DNM1: variants seen among roughly 807,000 people sequenced by gnomAD.
DNM1 encodes the protein dynamin-1.
DNM1 carries 29 observed loss-of-function variants against 104.6 expected under a neutral mutation model. The ratio of observed to expected loss-of-function variants is 0.28; its 90% CI spans 0.21 to 0.38. The LOEUF (loss-of-function observed/expected upper bound fraction) is 0.38, where lower values mean the gene tolerates loss of function less well. Ranked by LOEUF, DNM1 falls within the 10% of genes least tolerant of loss-of-function variation. The probability of loss-of-function intolerance (pLI) is 1.00; values close to 1 mark genes in which losing one functional copy is unlikely to be tolerated. For missense variants in DNM1, 640 were observed against 1,189.4 expected (o/e 0.54, Z 6.79); for synonymous variants, 445 against 475.8 (o/e 0.94, Z 0.84).
At position 128,254,728 on chromosome 9, in the gene DNM1, C is replaced by T; in HGVS notation, c.*14C>T. 1 of 1,594,966 alleles carries T rather than the reference C, an allele frequency of 6.3e-7. No homozygotes were observed. The highest frequency in any genetic ancestry group is 8.5e-7 in the Non-Finnish European group (1 of 1,178,586). On this transcript the variant is annotated 3_prime_UTR_variant, in exon 22 of 22. Coordinates refer to ENST00000372923, the MANE Select transcript of DNM1 (RefSeq NM_004408.4). The surrounding 1 kb of genome is among the most constrained non-coding windows in gnomAD (Gnocchi z 6.1). ...TTCGACCTCTAAACAGATCCCTCCT[C>T]TTCTCGGAGACCTCCCTTTCCAAGC...
At position 128,250,219 on chromosome 9, in the gene DNM1, G is replaced by C. The variant is rs140234146; in HGVS notation, c.2181G>C (p.Glu727Asp). 6.2e-7 allele frequency: 1 copy of C among 1,614,190 alleles called. No individual in the cohort carries two copies. The highest frequency in any genetic ancestry group is 8.5e-7 in the Non-Finnish European group (1 of 1,180,026). ...CGGAGCAGGCACAGCGGCGCGACGA[G>C]ATGCTGCGCATGTACCACGCACTGA... ...ESAEQAQRRDEMLRMYHALKE... is the reference protein window; with the variant it reads ...ESAEQAQRRDDMLRMYHALKE... Residue 727 changes from glutamate (E) to aspartate (D), a missense_variant, in exon 20 of 22, where the codon GAG (glutamate) becomes GAC (aspartate). Physicochemically the swap from Glu to Asp is conservative, Grantham distance 45 (BLOSUM62 2). Coordinates refer to ENST00000372923, the MANE Select transcript of DNM1 (RefSeq NM_004408.4).
chr9:128,223,268 A>C, intron 9 of DNM1: 1 of 201,938 alleles, frequency 5.0e-6, no homozygotes. Context: ...GCAATCCTCC[A>C]CACCCTCCTG....
rs1588465677 is a variant in DNM1, at chr9:128,253,039, A to C, written c.2535-1615A>C. 1.9e-6 allele frequency: 3 copies of C among 1,552,206 alleles called. No homozygotes were observed. The highest frequency in any genetic ancestry group is 2.7e-6 in the Non-Finnish European group (3 of 1,128,362). On this transcript the variant is annotated intron_variant, in intron 21 of 21. Transcript: ENST00000372923. The surrounding 1 kb of genome is among the most constrained non-coding windows in gnomAD (Gnocchi z 5.9). ...GGGCGTGTGCGTGTGTGTGTCCCCC[A>C]CCCCCAGGCCGGCCCCACCCGTGCG...
chr9:128,228,273 C>T (rs1179543945), intron 10 of DNM1, among the ~76,000 whole-genome samples: 3 of 151,114 alleles, frequency 2.0e-5, no homozygotes, highest in African/African-American at 7.3e-5. Flanking sequence ...GAACCCCTGA[C>T]CTCAAGTGAT....
intron 10 of DNM1, 85 bp from the exon 11 acceptor site, chr9:128,233,936 G>A (rs773275007): frequency 4.9e-5 from 62 of 1,258,298 alleles, no homozygotes; most frequent in Non-Finnish European, 6.1e-5. Context: ...ACCCTGCGCC[G>A]CGGATCCCTG....
chr9:128,222,921 C>T lies in DNM1; in HGVS notation c.1196+61C>T. ...AGAAGTAGGGGGTCTGGGACAGAGG[C>T]ACAGGGAGTGATGAAGTGGGCCTCC... On this transcript the variant is annotated intron_variant, in intron 9 of 21. Coordinates refer to ENST00000372923, the MANE Select transcript of DNM1 (RefSeq NM_004408.4). The surrounding 1 kb of genome is among the most constrained non-coding windows in gnomAD (Gnocchi z 7.8). The T allele has an allele frequency of 6.6e-7, 1 of 1,526,356 alleles. No homozygotes were observed. The highest frequency in any genetic ancestry group is 1.7e-5 in the Admixed American group (1 of 59,478). The allele number at this position is 1,526,356 out of a possible 1,614,324, so 94.6% of individuals were successfully genotyped here.
chr9:128,232,606 G>T, intron 10 of DNM1: 1 of 153,134 alleles, frequency 6.5e-6, no homozygotes. Context: ...CCAATCCCTG[G>T]GCCTCTTCCT....
chr9:128,230,865 C>T (rs577596737), intron 10 of DNM1, among the ~76,000 whole-genome samples: 2 of 152,122 alleles, frequency 1.3e-5, no homozygotes. Context: ...TGCAGTGGCA[C>T]GATCTCGGCT....
intron 15 of DNM1, among the ~76,000 whole-genome samples, chr9:128,244,026 T>C (rs1400839857): frequency 1.3e-5 from 2 of 151,316 alleles, no homozygotes; most frequent in Non-Finnish European, 2.9e-5. Context: ...TATAAGCATC[T>C]AGGTGTGTTT....
Position 128,248,511 on chromosome 9 carries a change from T to C in DNM1, c.1906-72T>C. The stretch of plus-strand genomic sequence containing the variant: ...ATATTCTGGGTACCCTTGGAGGGGC[T>C]GAGATCCTGGGGATGCCTGGAGCCT... On this transcript the variant is annotated intron_variant, in intron 18 of 21. Transcript: ENST00000372923. The surrounding 1 kb of genome is among the most constrained non-coding windows in gnomAD (Gnocchi z 5.6). 1 of 1,547,718 alleles carries C rather than the reference T, an allele frequency of 6.5e-7. No homozygotes were observed. The highest frequency in any genetic ancestry group is 8.8e-7 in the Non-Finnish European group (1 of 1,131,418).
chr9:128,220,106 C>T lies in DNM1; in HGVS notation c.688+20C>T. ...GCAGAGGTAAGCAGGCCATGCCCCT[C>T]AACCACTCCCCAGCCCTTCCCCACC... On this transcript the variant is annotated intron_variant, in intron 5 of 21. Transcript: ENST00000372923. This position sits in a 1 kb window ranked among gnomAD's most constrained non-coding sequence, Gnocchi z 5.2. 6.2e-7 allele frequency: 1 copy of T among 1,612,764 alleles called. No homozygotes were observed. Among genetic ancestry groups the T allele is most frequent in the Non-Finnish European group, 8.5e-7 (1 of 1,178,944 alleles).
At chr9:128,209,528 A>C (rs1216804078) in intron 1 of DNM1, among the ~76,000 whole-genome samples, 1 of 152,182 alleles carries the variant, frequency 6.6e-6, no homozygotes, top group Non-Finnish European at 1.5e-5. Context: ...GAATTGCTAA[A>C]TGCAATACAT....
intron 10 of DNM1, among the ~76,000 whole-genome samples, chr9:128,228,084 C>T (rs989608373): frequency 9.9e-5 from 15 of 151,984 alleles, no homozygotes; most frequent in African/African-American, 3.6e-4. Flanking sequence ...GCTTGTTGCC[C>T]AGGCTGGAGT....
At chr9:128,242,401 C>A in intron 15 of DNM1, 56 bp downstream of exon 15, 1 of 991,730 alleles carries the variant, frequency 1.0e-6, no homozygotes, top group Non-Finnish European at 1.6e-6. Flanking sequence ...GAGTCAGGCT[C>A]AGACCCTCCC....
Position 128,218,614 on chromosome 9 carries a change from A to G in DNM1, c.268A>G (p.Lys90Glu). 1 of 1,613,566 alleles carries G rather than the reference A, an allele frequency of 6.2e-7. No homozygotes were observed. Among genetic ancestry groups the G allele is most frequent in the Non-Finnish European group, 8.5e-7 (1 of 1,179,640 alleles). Reference sequence around the variant, plus strand: ...CGAGTTCCTGCACTGCAAGGGAAAGAAATTCACCGACTTCGAGGAGGTGCG... The same window carrying G: ...CGAGTTCCTGCACTGCAAGGGAAAGGAATTCACCGACTTCGAGGAGGTGCG... Reference protein sequence around the residue: ...YAEFLHCKGKKFTDFEEVRLE... With the variant: ...YAEFLHCKGKEFTDFEEVRLE... The change falls in exon 3 of 22, where the codon AAA (lysine) becomes GAA (glutamate). Residue 90 changes from lysine (K) to glutamate (E), a missense_variant. Coordinates refer to ENST00000372923, the MANE Select transcript of DNM1 (RefSeq NM_004408.4). This position sits in a 1 kb window ranked among gnomAD's most constrained non-coding sequence, Gnocchi z 4.8.
chr9:128,246,420 T>A lies in DNM1; in HGVS notation c.1698T>A (p.Ser566=). The A allele has an allele frequency of 1.9e-6, 3 of 1,614,084 alleles. No individual in the cohort carries two copies. Among genetic ancestry groups the A allele is most frequent in the Non-Finnish European group, 2.5e-6 (3 of 1,179,948 alleles). ...DEEKEKKYML[S]VDNLKLRDVE... ...AGAAAGAGAAGAAATACATGCTGTC[T>A]GTGGACAACCTCAAGCTGCGGGACG... The change falls in exon 16 of 22, where the codon TCT becomes TCA. Residue 566 remains serine (S), a synonymous_variant. Coordinates refer to ENST00000372923, the MANE Select transcript of DNM1 (RefSeq NM_004408.4).
Position 128,209,778 on chromosome 9 carries a change from T to C in DNM1, c.161+6147T>C, listed in dbSNP as rs1165238040. On this transcript the variant is annotated intron_variant, in intron 1 of 21. Transcript: ENST00000372923. ...ACCTTGGGCCTGGGCTGGTCCCCAC[T>C]TGGGCCTGGGCGGTGGGCTTGGAAC... Among the ~76,000 whole-genome samples the C allele has an allele frequency of 5.3e-5, 8 of 152,160 alleles. No homozygotes were observed. In the East Asian group the frequency reaches 1.5e-3, roughly 29 times the overall value.
intron 4 of DNM1, 79 bp from the exon 5 acceptor site, chr9:128,219,902 AGAGCAGG>A: frequency 9.3e-7 from 1 of 1,076,738 alleles, no homozygotes. Flanking sequence ...GGGGCCGAGG[AGAGCAGG>A]GGGATGGGAG....
intron 1 of DNM1, among the ~76,000 whole-genome samples, chr9:128,215,043 G>A (rs1436843302): frequency 6.6e-6 from 1 of 152,246 alleles, no homozygotes; most frequent in Non-Finnish European, 1.5e-5. Flanking sequence ...TTGCCTGCAC[G>A]CCTACTACGT....
Sources: gnomAD v4.1 joint callset for allele counts (sites outside exome capture counted in the v4.1 genomes callset) on GRCh38, gnomAD v4.1.1 for gene constraint, Gnocchi (gnomAD v3.1) non-coding constraint, MANE v1.5 for transcripts, NCBI Gene and HGNC (gene_info 2026-07-23, HGNC 2026-07-21) for gene names.